The following SERGEF variants were observed in gnomAD, a reference collection of about 807,000 sequenced individuals.
SERGEF encodes secretion-regulating guanine nucleotide exchange factor.
In SERGEF, 51 loss-of-function variants were observed where a neutral mutation model predicts 50.0. The ratio of observed to expected loss-of-function variants is 1.02; its 90% CI spans 0.81 to 1.29. SERGEF has a LOEUF of 1.29. SERGEF is among the 50% of genes most tolerant of loss of function. SERGEF has a pLI of 0.00. For synonymous variants in SERGEF, 205 were observed against 212.4 expected (o/e 0.97, Z 0.30); for missense variants, 521 against 557.0 (o/e 0.94, Z 0.65).
At chr11:17,998,160 C>T (rs964485197) in intron 5 of SERGEF, among the ~76,000 whole-genome samples, 2 of 151,664 alleles carry the variant, frequency 1.3e-5, no homozygotes, top group African/African-American at 2.4e-5. Context: ...ACCTGTAATC[C>T]CAACACTTTG....
chr11:17,819,085 T>C (rs982355541), intron 10 of SERGEF, among the ~76,000 whole-genome samples: 6 of 152,270 alleles, frequency 3.9e-5, no homozygotes, highest in Admixed American at 2.6e-4. Flanking sequence ...TATATCTCTA[T>C]CTTCCATGGT....
At chr11:17,825,476 A>T (rs1222554020) in intron 10 of SERGEF, among the ~76,000 whole-genome samples, 1 of 152,210 alleles carries the variant, frequency 6.6e-6, no homozygotes, top group Non-Finnish European at 1.5e-5. Context: ...CACTCACAGA[A>T]GTCAAATGTA....
intron 8 of SERGEF, among the ~76,000 whole-genome samples, chr11:17,982,455 A>C (rs558913843): frequency 2.6e-4 from 40 of 152,360 alleles, no homozygotes; most frequent in African/African-American, 9.1e-4. Context: ...CTTTGGGCTC[A>C]GTTTGACTTT....
At chr11:17,999,605 T>C (rs1208748730) in intron 5 of SERGEF, 1 of 455,238 alleles carries the variant, frequency 2.2e-6, no homozygotes, top group Non-Finnish European at 4.4e-6. Context: ...GCAGAAAAAA[T>C]GAAAAGGGGA....
At chr11:17,828,892 G>A (rs559142326) in intron 10 of SERGEF, among the ~76,000 whole-genome samples, 13 of 152,206 alleles carry the variant, frequency 8.5e-5, no homozygotes, top group African/African-American at 3.1e-4. Context: ...CTTACCATCC[G>A]TAAAATGGGA....
At chr11:17,799,388 G>A (rs557230211) in intron 10 of SERGEF, among the ~76,000 whole-genome samples, 2 of 152,314 alleles carry the variant, frequency 1.3e-5, no homozygotes, top group African/African-American at 2.4e-5. Flanking sequence ...GGCCTGGCCC[G>A]TATGCTGGTG....
chr11:18,010,926 G>T (rs192622020), intron 1 of SERGEF, among the ~76,000 whole-genome samples: 1 of 152,170 alleles, frequency 6.6e-6, no homozygotes, highest in East Asian at 1.9e-4. Context: ...ATTACCAGGG[G>T]TGCAAGGCTG....
At chr11:17,897,723 C>T (rs553568265) in intron 9 of SERGEF, among the ~76,000 whole-genome samples, 25 of 152,188 alleles carry the variant, frequency 1.6e-4, no homozygotes, top group Non-Finnish European at 3.5e-4. Flanking sequence ...AAAAACAAAT[C>T]TAATGTATAG....
intron 4 of SERGEF, chr11:18,000,912 T>C (rs1049622606): frequency 1.6e-5 from 7 of 451,004 alleles, no homozygotes; most frequent in Non-Finnish European, 2.2e-5. Flanking sequence ...CATTGTAACA[T>C]AAAAGCAGCT....
chr11:17,998,377 A>G (rs1463350307), intron 5 of SERGEF, among the ~76,000 whole-genome samples: 1 of 147,936 alleles, frequency 6.8e-6, no homozygotes, highest in Admixed American at 6.8e-5. Context: ...TGAACACACC[A>G]CTGTACCCCA....
intron 6 of SERGEF, 41 bp downstream of exon 6, chr11:17,995,755 G>T: frequency 7.3e-7 from 1 of 1,379,214 alleles, no homozygotes; most frequent in Non-Finnish European, 1.0e-6. Flanking sequence ...TCTACTTCCT[G>T]ACAAAGAACA....
At chr11:17,871,982 T>C (rs1038421977) in intron 10 of SERGEF, among the ~76,000 whole-genome samples, 1 of 152,168 alleles carries the variant, frequency 6.6e-6, no homozygotes, top group African/African-American at 2.4e-5. Flanking sequence ...AGAATGTACG[T>C]AGCATCCCCA....
intron 10 of SERGEF, among the ~76,000 whole-genome samples, chr11:17,847,829 C>G (rs1026012785): frequency 1.3e-5 from 2 of 152,158 alleles, no homozygotes; most frequent in African/African-American, 4.8e-5. Flanking sequence ...ATCCGGGAGA[C>G]TGGGACTCAA....
intron 9 of SERGEF, among the ~76,000 whole-genome samples, chr11:17,936,427 A>G (rs893728131): frequency 6.6e-6 from 1 of 152,254 alleles, no homozygotes; most frequent in African/African-American, 2.4e-5. Context: ...CTCAGTAGTC[A>G]TATCAGCATT....
At chr11:17,836,767 T>C (rs892669634) in intron 10 of SERGEF, among the ~76,000 whole-genome samples, 2 of 152,182 alleles carry the variant, frequency 1.3e-5, no homozygotes, top group African/African-American at 2.4e-5. Flanking sequence ...CTATGAAACT[T>C]TCCCTTACTT....
intron 9 of SERGEF, among the ~76,000 whole-genome samples, chr11:17,889,727 G>A (rs1469070729): frequency 6.6e-6 from 1 of 152,184 alleles, no homozygotes; most frequent in East Asian, 1.9e-4. Flanking sequence ...TAAAAAGAGA[G>A]AGGACACAAA....
At chr11:17,856,898 A>G (rs1259983418) in intron 10 of SERGEF, 1 of 152,224 alleles carries the variant, frequency 6.6e-6, no homozygotes, top group Non-Finnish European at 1.5e-5. Flanking sequence ...TTCTTAAATC[A>G]CATTTGAGTT....
At chr11:18,005,910 C>A (rs1590248713) in intron 3 of SERGEF, among the ~76,000 whole-genome samples, 1 of 152,190 alleles carries the variant, frequency 6.6e-6, no homozygotes, top group African/African-American at 2.4e-5. Flanking sequence ...GCCTCATATT[C>A]TCCTACCACA....
rs2134000679 is a variant in SERGEF at position 17,993,246 on chromosome 11, G to A, written c.623-253C>T. On this transcript the variant is annotated intron_variant, in intron 6 of 10. Transcript: ENST00000265965. ...ATCACTATCAAAGAGGGGAGGAAAG[G>A]TATAGATATGAAAAGGGGAAAGGCT... Among the ~76,000 whole-genome samples, 2 of 152,336 alleles carry A rather than the reference G, an allele frequency of 1.3e-5. 1 individual carries two copies. The highest frequency in any genetic ancestry group is 6.8e-3 in the Middle Eastern group (2 of 294).
Sources: gnomAD v4.1 joint callset for allele counts (sites outside exome capture counted in the v4.1 genomes callset) on GRCh38, gnomAD v4.1.1 for gene constraint, MANE v1.5 for transcripts, NCBI Gene and HGNC (gene_info 2026-07-23, HGNC 2026-07-21) for gene names.